ALCAM: variants seen among roughly 807,000 people sequenced by gnomAD.
ALCAM encodes CD166 antigen.
A neutral mutation model predicts 70.9 loss-of-function variants in ALCAM; 30 were observed. That is an observed-to-expected ratio of 0.42 (90% CI 0.32 to 0.57). The LOEUF is 0.57. ALCAM is among the 20% of genes least tolerant of loss of function. The pLI, the probability that ALCAM is intolerant of heterozygous loss-of-function variation, is 0.11. For missense variants in ALCAM, 591 were observed against 695.1 expected (o/e 0.85, Z 1.68); for synonymous variants, 249 against 242.5 (o/e 1.03, Z -0.25).
intron 9 of ALCAM, among the ~76,000 whole-genome samples, chr3:105,546,851 A>C (rs925320299): frequency 6.6e-6 from 1 of 151,324 alleles, no homozygotes; most frequent in African/African-American, 2.4e-5. Context: ...TTTTCTGTAT[A>C]TCAGGCTATT....
At position 105,552,141 on chromosome 3, in the gene ALCAM, C is replaced by T; in HGVS notation, c.1508-3C>T. On this transcript the variant is annotated splice_region_variant and splice_polypyrimidine_tract_variant and intron_variant, in intron 12 of 15. Transcript: ENST00000306107. ...AATTTCATATTAACATTTTTCATTT[C>T]AGTAAGTATTCCAGAACACGATGAG... is the stretch of plus-strand genomic sequence containing the variant. The T allele has an allele frequency of 6.3e-7, 1 of 1,595,872 alleles. No homozygotes were observed. The highest frequency in any genetic ancestry group is 8.5e-7 in the Non-Finnish European group (1 of 1,172,658).
chr3:105,537,975 T>TA (rs1940015606), intron 6 of ALCAM, among the ~76,000 whole-genome samples: 2 of 152,086 alleles, frequency 1.3e-5, no homozygotes, highest in South Asian at 4.1e-4. Context: ...TGTAGCAGAG[T>TA]AAGAGAGAAG....
chr3:105,423,179 A>T (rs1353199489), intron 1 of ALCAM, among the ~76,000 whole-genome samples: 1 of 151,472 alleles, frequency 6.6e-6, no homozygotes, highest in Non-Finnish European at 1.5e-5. Flanking sequence ...TATAAACATT[A>T]TATTATAATG....
At chr3:105,504,264 T>C (rs1318073209) in intron 1 of ALCAM, among the ~76,000 whole-genome samples, 1 of 152,196 alleles carries the variant, frequency 6.6e-6, no homozygotes, top group Admixed American at 6.5e-5. Context: ...TCGCAGTGTC[T>C]TGTGCTCTTT....
chr3:105,459,961 AT>A (rs1367196897), intron 1 of ALCAM, among the ~76,000 whole-genome samples: 2 of 152,082 alleles, frequency 1.3e-5, no homozygotes, highest in Non-Finnish European at 2.9e-5. Context: ...AAATAAAAAA[AT>A]AAATTGGATT....
intron 1 of ALCAM, among the ~76,000 whole-genome samples, chr3:105,389,079 C>T (rs929452662): frequency 6.6e-6 from 1 of 151,424 alleles, no homozygotes; most frequent in Non-Finnish European, 1.5e-5. Flanking sequence ...AAGTGAATGG[C>T]AAGTAGAACA....
At chr3:105,483,984 T>C (rs537526474) in intron 1 of ALCAM, among the ~76,000 whole-genome samples, 3 of 152,238 alleles carry the variant, frequency 2.0e-5, no homozygotes, top group South Asian at 4.1e-4. Context: ...TATTGTCTCC[T>C]TCTCATGTTT....
intron 1 of ALCAM, chr3:105,440,743 C>G (rs1372754999): frequency 6.6e-6 from 1 of 152,194 alleles, no homozygotes; most frequent in Non-Finnish European, 1.5e-5. Flanking sequence ...AGTCAGGAAA[C>G]TTAAGTAGAT....
intron 1 of ALCAM, among the ~76,000 whole-genome samples, chr3:105,510,600 A>G (rs1939211459): frequency 6.6e-6 from 1 of 152,086 alleles, no homozygotes; most frequent in African/African-American, 2.4e-5. Context: ...AGTGAGACAG[A>G]ATGCAAATAT....
intron 11 of ALCAM, 129 bp from the exon 12 acceptor site, chr3:105,549,998 T>C: frequency 1.5e-6 from 1 of 688,824 alleles, no homozygotes; most frequent in Non-Finnish European, 2.2e-6. Flanking sequence ...TCTATGATCT[T>C]ACATAGCTTT....
intron 3 of ALCAM, among the ~76,000 whole-genome samples, chr3:105,529,608 C>T (rs1248749637): frequency 6.6e-6 from 1 of 151,990 alleles, no homozygotes; most frequent in East Asian, 1.9e-4. Context: ...TCACTGTGAC[C>T]CTCTTTTCCA....
At chr3:105,487,839 A>C (rs898090346) in intron 1 of ALCAM, among the ~76,000 whole-genome samples, 3 of 152,180 alleles carry the variant, frequency 2.0e-5, no homozygotes, top group Non-Finnish European at 4.4e-5. Context: ...TGCTGGTTTA[A>C]GAAGAGTTCC....
At chr3:105,509,813 G>C (rs1939186947) in intron 1 of ALCAM, among the ~76,000 whole-genome samples, 1 of 152,010 alleles carries the variant, frequency 6.6e-6, no homozygotes, top group South Asian at 2.1e-4. Flanking sequence ...CAATGTCAAA[G>C]AGCTTTTCCC....
intron 14 of ALCAM, among the ~76,000 whole-genome samples, chr3:105,565,642 T>G (rs1352402264): frequency 1.3e-5 from 2 of 152,230 alleles, no homozygotes; most frequent in Admixed American, 6.5e-5. Flanking sequence ...TTGCTCTATT[T>G]CTTTGCATGT....
intron 1 of ALCAM, among the ~76,000 whole-genome samples, chr3:105,370,302 T>G (rs890877666): frequency 3.3e-5 from 5 of 152,230 alleles, no homozygotes; most frequent in Non-Finnish European, 5.9e-5. Flanking sequence ...CCAATATATA[T>G]ATATTTTTTC....
intron 1 of ALCAM, among the ~76,000 whole-genome samples, chr3:105,467,026 TA>T (rs1412000604): frequency 6.6e-6 from 1 of 151,406 alleles, no homozygotes; most frequent in Non-Finnish European, 1.5e-5. Flanking sequence ...GAATGGAGTT[TA>T]ATTCTCAACT....
chr3:105,462,050 T>C (rs1446590479), intron 1 of ALCAM, among the ~76,000 whole-genome samples: 1 of 151,692 alleles, frequency 6.6e-6, no homozygotes, highest in Non-Finnish European at 1.5e-5. Context: ...AATATGGACA[T>C]ACTATATCAA....
chr3:105,442,482 T>TA (rs1360682332), intron 1 of ALCAM, among the ~76,000 whole-genome samples: 1 of 152,122 alleles, frequency 6.6e-6, no homozygotes, highest in Admixed American at 6.5e-5. Context: ...GAGTTACTCA[T>TA]AAAAAATGAG....
chr3:105,423,879 G>T (rs57834585), intron 1 of ALCAM, among the ~76,000 whole-genome samples: 36,749 of 151,416 alleles, frequency 0.24, 5,058 homozygotes, highest in Non-Finnish European at 0.33. Flanking sequence ...TTAGATTCAT[G>T]ATGACTATTC....
Sources: gnomAD v4.1 joint callset for allele counts (sites outside exome capture counted in the v4.1 genomes callset) on GRCh38, gnomAD v4.1.1 for gene constraint, MANE v1.5 for transcripts, NCBI Gene and HGNC (gene_info 2026-07-23, HGNC 2026-07-21) for gene names.